Variants in GALNS observed in about 807,000 individuals in gnomAD.
The protein encoded by GALNS is galactosamine (N-acetyl)-6-sulfatase.
GALNS carries 65 observed loss-of-function variants against 65.9 expected under a neutral mutation model. The observed-to-expected ratio is 0.99, with a 90% CI of 0.81 to 1.21. GALNS has a LOEUF of 1.21. Ranked by LOEUF, GALNS falls within the 50% of genes most tolerant of loss-of-function variation. GALNS has a pLI of 0.00. For missense variants in GALNS, 776 were observed against 700.7 expected (o/e 1.11, Z -1.21); for synonymous variants, 346 against 288.9 (o/e 1.20, Z -2.00).
At chr16:88,841,456 C>T (rs1357765437) in intron 3 of GALNS, among the ~76,000 whole-genome samples, 2 of 152,124 alleles carry the variant, frequency 1.3e-5, no homozygotes, top group African/African-American at 4.8e-5. Flanking sequence ...CACTGCCCCA[C>T]CCCTGCCTCC....
intron 10 of GALNS, 68 bp from the exon 11 acceptor site, chr16:88,824,937 G>A: frequency 7.9e-7 from 1 of 1,269,438 alleles, no homozygotes; most frequent in Non-Finnish European, 1.1e-6. Flanking sequence ...GGAGGCTCTG[G>A]GCTGCGTCTG....
intron 8 of GALNS, 80 bp downstream of exon 8, chr16:88,835,133 C>T: frequency 6.6e-6 from 10 of 1,524,940 alleles, no homozygotes; most frequent in Middle Eastern, 1.8e-4. Context: ...CCACAGACCC[C>T]GTGGGCACAG....
At chr16:88,820,055 T>C (rs1313850567) in intron 12 of GALNS, among the ~76,000 whole-genome samples, 1 of 152,116 alleles carries the variant, frequency 6.6e-6, no homozygotes, top group Non-Finnish European at 1.5e-5. Context: ...CTCAAACTCC[T>C]GGGGCTCAAG....
At chr16:88,836,830 C>T (rs1400496333) in intron 5 of GALNS, among the ~76,000 whole-genome samples, 1 of 152,100 alleles carries the variant, frequency 6.6e-6, no homozygotes, top group Non-Finnish European at 1.5e-5. Context: ...GGCACGACAC[C>T]AAGGTGAAGG....
At chr16:88,831,900 G>A (rs550502856) in intron 9 of GALNS, 98 bp downstream of exon 9, 35 of 990,096 alleles carry the variant, frequency 3.5e-5, no homozygotes, top group Middle Eastern at 3.0e-4. Flanking sequence ...GGATGAGCAC[G>A]GGGTGCATGG....
intron 1 of GALNS, among the ~76,000 whole-genome samples, chr16:88,854,247 C>T (rs1967650950): frequency 6.6e-6 from 1 of 152,224 alleles, no homozygotes; most frequent in Admixed American, 6.5e-5. Context: ...GGTTCAGACG[C>T]CAGCGCCCTG....
chr16:88,834,086 C>T (rs1597564763), intron 8 of GALNS, among the ~76,000 whole-genome samples: 1 of 152,128 alleles, frequency 6.6e-6, no homozygotes, highest in South Asian at 2.1e-4. Context: ...TTGGGGGCCT[C>T]GACTCGTGGG....
intron 9 of GALNS, among the ~76,000 whole-genome samples, chr16:88,827,398 G>C (rs116001283): frequency 0.041 from 6,319 of 152,328 alleles, 163 homozygotes; most frequent in South Asian, 0.082. Flanking sequence ...CCAGCCATGA[G>C]CAGAGCGTGC....
chr16:88,852,048 T>A (rs1170199286), intron 1 of GALNS, among the ~76,000 whole-genome samples: 3 of 152,216 alleles, frequency 2.0e-5, no homozygotes, highest in Admixed American at 2.0e-4. Flanking sequence ...ACGGACACAT[T>A]GCCTCCTCAA....
At chr16:88,855,254 A>G in intron 1 of GALNS, 2 of 699,860 alleles carry the variant, frequency 2.9e-6, no homozygotes, top group Non-Finnish European at 5.2e-6. Flanking sequence ...AAGTCAGGAA[A>G]AGCAGAAACT....
At chr16:88,842,917 C>G (rs1439791329) in intron 1 of GALNS, 88 bp from the exon 2 acceptor site, 1 of 1,564,698 alleles carries the variant, frequency 6.4e-7, no homozygotes, top group African/African-American at 1.3e-5. Flanking sequence ...AAGAGCGTGT[C>G]GGGGACCGTG....
intron 10 of GALNS, 101 bp downstream of exon 10, chr16:88,826,601 G>A: frequency 9.8e-6 from 14 of 1,432,566 alleles, no homozygotes; most frequent in South Asian, 1.3e-5. Flanking sequence ...CCTGTGTCCA[G>A]AACCAGGAGG....
At chr16:88,815,381 C>A (rs1039974552) in intron 13 of GALNS, 4 of 985,478 alleles carry the variant, frequency 4.1e-6, no homozygotes, top group Non-Finnish European at 4.8e-6. Context: ...TCTCAAGAAG[C>A]CTTTCCCAGG....
intron 13 of GALNS, chr16:88,815,532 T>G: frequency 2.0e-6 from 2 of 985,456 alleles, no homozygotes; most frequent in Non-Finnish European, 2.4e-6. Context: ...GGAGGGCACT[T>G]TTCCTGGCAA....
At chr16:88,848,699 C>G (rs1359758878) in intron 1 of GALNS, among the ~76,000 whole-genome samples, 31 of 152,140 alleles carry the variant, frequency 2.0e-4, no homozygotes, top group Non-Finnish European at 5.9e-5. Context: ...AAAGAAGCAG[C>G]AGCCTCGGGG....
chr16:88,827,289 G>C (rs927236730), intron 9 of GALNS, among the ~76,000 whole-genome samples: 3 of 152,222 alleles, frequency 2.0e-5, no homozygotes, highest in East Asian at 3.8e-4. Context: ...GAGTGGCTGG[G>C]GTGGGGACGG....
At chr16:88,828,891 G>A (rs1424320666) in intron 9 of GALNS, among the ~76,000 whole-genome samples, 1 of 152,130 alleles carries the variant, frequency 6.6e-6, no homozygotes, top group Non-Finnish European at 1.5e-5. Flanking sequence ...GCCCTGTCCC[G>A]GCCTGGTGGG....
chr16:88,853,961 G>A (rs940086503), intron 1 of GALNS, among the ~76,000 whole-genome samples: 7 of 152,216 alleles, frequency 4.6e-5, no homozygotes, highest in Admixed American at 1.3e-4. Flanking sequence ...GTTGGAGAGT[G>A]GCTTCTGGCC....
rs1308500116 is a variant in GALNS at position 88,837,722 on chromosome 16, A to G, written c.466T>C (p.Phe156Leu). The change falls in exon 5 of 14, where the codon TTT (phenylalanine) becomes CTT (leucine). Residue 156 changes from phenylalanine (F) to leucine (L), a missense_variant. By Grantham distance (22) the Phe-to-Leu change is conservative. Transcript: ENST00000268695. ...RPQFHPLKHG[F>L]DEWFGSPNCH... ...TTGGGGGATCCAAACCACTCATCAAATCCGTGCTTCAGGGGGTGGAACTGG... is the reference window on the plus strand; with the variant it reads ...TTGGGGGATCCAAACCACTCATCAAGTCCGTGCTTCAGGGGGTGGAACTGG... The G allele has an allele frequency of 3.1e-6, 5 of 1,613,960 alleles. No individual in the cohort carries two copies. In the Admixed American group the frequency reaches 6.7e-5, roughly 22 times the overall value.
Sources: allele counts gnomAD v4.1 joint callset (sites outside exome capture counted in the v4.1 genomes callset), GRCh38; gene constraint gnomAD v4.1.1; transcripts MANE v1.5; gene names NCBI Gene and HGNC (gene_info 2026-07-23, HGNC 2026-07-21).